Variants in VPS13A observed in about 807,000 individuals in gnomAD.
VPS13A encodes the protein intermembrane lipid transfer protein VPS13A.
Under a neutral mutation model 390.9 loss-of-function variants are expected in VPS13A, and 264 were observed. That is an observed-to-expected ratio of 0.68 (90% CI 0.61 to 0.75). The LOEUF (loss-of-function observed/expected upper bound fraction) is 0.75, where lower values mean the gene tolerates loss of function less well. Among genes scored for constraint, VPS13A ranks in the 30% least tolerant of loss-of-function variants. The pLI is 0.00. For synonymous variants in VPS13A, 1,231 were observed against 1,227.1 expected (o/e 1.00, Z -0.07); for missense variants, 3,409 against 3,733.9 (o/e 0.91, Z 2.27).
intron 31 of VPS13A, among the ~76,000 whole-genome samples, chr9:77,290,059 G>A (rs1392290061): frequency 2.0e-5 from 3 of 152,128 alleles, no homozygotes; most frequent in Admixed American, 2.0e-4. Flanking sequence ...TGGGATTACA[G>A]GCGTGAGCCA....
chr9:77,239,937 T>C (rs76249351), intron 19 of VPS13A, among the ~76,000 whole-genome samples: 2,142 of 152,078 alleles, frequency 0.014, 49 homozygotes, highest in African/African-American at 0.049. Context: ...TTTTATATTC[T>C]CCTAGTCATT....
At chr9:77,243,590 G>T (rs542734794) in intron 19 of VPS13A, among the ~76,000 whole-genome samples, 1 of 152,118 alleles carries the variant, frequency 6.6e-6, no homozygotes, top group Non-Finnish European at 1.5e-5. Context: ...TTCTTTCAGA[G>T]TACAAGGTTC....
At chr9:77,234,896 A>G (rs1002893169) in intron 17 of VPS13A, among the ~76,000 whole-genome samples, 1 of 152,220 alleles carries the variant, frequency 6.6e-6, no homozygotes, top group African/African-American at 2.4e-5. Flanking sequence ...GTCAAATTTG[A>G]ATTGACACTA....
chr9:77,397,183 G>T (rs867303927), intron 68 of VPS13A, among the ~76,000 whole-genome samples: 3 of 152,038 alleles, frequency 2.0e-5, no homozygotes, highest in African/African-American at 7.2e-5. Context: ...TGGAGACGGG[G>T]TCTCACCGTG....
At chr9:77,201,124 A>C (rs1825307396) in intron 2 of VPS13A, among the ~76,000 whole-genome samples, 1 of 152,114 alleles carries the variant, frequency 6.6e-6, no homozygotes, top group Non-Finnish European at 1.5e-5. Flanking sequence ...TTTTCTGGTC[A>C]TTTTTACTGT....
intron 33 of VPS13A, among the ~76,000 whole-genome samples, chr9:77,296,163 A>G (rs72744282): frequency 0.057 from 8,744 of 152,254 alleles, 370 homozygotes; most frequent in South Asian, 0.12. Flanking sequence ...GGAATTTCTA[A>G]TGTAATATGT....
At chr9:77,414,163 T>C (rs1835066533) in intron 71 of VPS13A, among the ~76,000 whole-genome samples, 1 of 152,196 alleles carries the variant, frequency 6.6e-6, no homozygotes, top group Non-Finnish European at 1.5e-5. Flanking sequence ...AGTTCAACCA[T>C]TGTGGAAGTC....
At chr9:77,360,380 A>G (rs577448209) in intron 58 of VPS13A, among the ~76,000 whole-genome samples, 156 bp from the exon 59 acceptor site, 1 of 152,048 alleles carries the variant, frequency 6.6e-6, no homozygotes, top group Non-Finnish European at 1.5e-5. Context: ...TGTTGCTGTT[A>G]TTAACAGTGT....
rs773625189 is a variant in VPS13A, at chr9:77,314,497, T to C, written c.4245T>C (p.Ala1415=). ...TGTGTTGGTTTCTCCTTTCATAGGC[T>C]TCCTTTACAGATGTTCGTGATCCTT... ...MVLYSPGPKQ[A]SFTDVRDPSL... The change falls in exon 37 of 72, where the codon GCT becomes GCC. Residue 1415 remains alanine (A), a splice_region_variant and synonymous_variant. Transcript: ENST00000360280. 7 of 1,611,780 alleles carry C rather than the reference T, an allele frequency of 4.3e-6. No individual in the cohort carries two copies. The highest frequency in any genetic ancestry group is 5.9e-6 in the Non-Finnish European group (7 of 1,179,140).
intron 62 of VPS13A, 23 bp downstream of exon 62, chr9:77,368,159 G>T (rs887457269): frequency 1.5e-5 from 24 of 1,586,048 alleles, no homozygotes; most frequent in Non-Finnish European, 1.7e-5. Flanking sequence ...TTATATTACA[G>T]AGGGACAGAG....
intron 34 of VPS13A, among the ~76,000 whole-genome samples, chr9:77,306,815 A>G (rs1228192023): frequency 6.6e-6 from 1 of 152,146 alleles, no homozygotes; most frequent in East Asian, 1.9e-4. Context: ...AGCCAAAGTG[A>G]CATACAAAAT....
chr9:77,183,613 C>G (rs1014080120), intron 1 of VPS13A, among the ~76,000 whole-genome samples: 2 of 144,626 alleles, frequency 1.4e-5, no homozygotes, highest in Non-Finnish European at 3.1e-5. Flanking sequence ...AAAACTGGAA[C>G]TCTGTTAATA....
At position 77,371,086 on chromosome 9, in the gene VPS13A, C is replaced by G. The variant is rs776718103; in HGVS notation, c.9014C>G (p.Ala3005Gly). Residue 3005 changes from alanine to glycine, a missense_variant, in exon 67 of 72, where the codon GCG (alanine) becomes GGG (glycine). By Grantham distance (60) the Ala-to-Gly change is moderately conservative. This residue lies in a region of VPS13A where 318 missense variants were observed against 333.7 expected (regional missense o/e 0.95). Coordinates refer to ENST00000360280, the MANE Select transcript of VPS13A (RefSeq NM_033305.3). Reference protein sequence around the residue: ...FKGVGKGLVGAVARPTGGIID... With the variant: ...FKGVGKGLVGGVARPTGGIID... ...GGTGTTGGGAAAGGTTTAGTAGGAG[C>G]GGTAGCAAGGCCAACTGGAGGCATC... 3.1e-6 allele frequency: 5 copies of G among 1,613,906 alleles called. No individual in the cohort carries two copies. The highest frequency in any genetic ancestry group is 4.5e-5 in the East Asian group (2 of 44,878).
rs1200981407 is a variant in VPS13A, at chr9:77,369,421, GTT to G, written c.8667+10_8667+11del. 6.5e-7 allele frequency: 1 copy of G among 1,535,686 alleles called. No homozygotes were observed. Among genetic ancestry groups the G allele is most frequent in the Non-Finnish European group, 9.0e-7 (1 of 1,108,738 alleles). On this transcript the variant is annotated intron_variant, in intron 63 of 71. Coordinates refer to ENST00000360280, the MANE Select transcript of VPS13A (RefSeq NM_033305.3). ...TTTATGAACCTTACCAGGTAAAATA[GTT>G]ATTTTTGTGGTTGTGCAATATGTCA...
At chr9:77,266,250 G>T (rs530622790) in intron 23 of VPS13A, among the ~76,000 whole-genome samples, 1 of 152,340 alleles carries the variant, frequency 6.6e-6, no homozygotes, top group South Asian at 2.1e-4. Context: ...ATGTGGTTCT[G>T]AGAAGAATGT....
intron 35 of VPS13A, among the ~76,000 whole-genome samples, chr9:77,312,762 A>G (rs1829163252): frequency 6.6e-6 from 1 of 152,206 alleles, no homozygotes; most frequent in Non-Finnish European, 1.5e-5. Context: ...ACCAGATGAG[A>G]TAAGTTGTAG....
chr9:77,256,054 C>A (rs1022744905), intron 22 of VPS13A, among the ~76,000 whole-genome samples: 11 of 151,052 alleles, frequency 7.3e-5, no homozygotes, highest in Admixed American at 5.9e-4. Context: ...GTTTGCTGTT[C>A]TTTTTCTAGT....
chr9:77,283,964 C>CTTT (rs779066797), intron 31 of VPS13A, among the ~76,000 whole-genome samples: 1 of 129,622 alleles, frequency 7.7e-6, no homozygotes, highest in Non-Finnish European at 1.7e-5. Context: ...ACCTTTTTCA[C>CTTT]TTTTTTTTTT....
chr9:77,187,146 G>T lies in VPS13A; in HGVS notation c.100+9342G>T, dbSNP rs530628532. Among the ~76,000 whole-genome samples the T allele has an allele frequency of 4.6e-5, 7 of 152,274 alleles. No homozygotes were observed. In the South Asian group the frequency reaches 8.3e-4, roughly 18 times the overall value. The stretch of plus-strand genomic sequence containing the variant: ...CATTCATCTGTTGATGAATAGTTGG[G>T]CAGCTTCCACCTTTTGGCTGTTGTG... On this transcript the variant is annotated intron_variant, in intron 1 of 71. Coordinates refer to ENST00000360280, the MANE Select transcript of VPS13A (RefSeq NM_033305.3).
Sources: gnomAD v4.1 joint callset for allele counts (sites outside exome capture counted in the v4.1 genomes callset) on GRCh38, gnomAD v4.1.1 for gene constraint, gnomAD v4.1.1 regional missense constraint, MANE v1.5 for transcripts, NCBI Gene and HGNC (gene_info 2026-07-23, HGNC 2026-07-21) for gene names.